Variants in GLG1 observed in about 807,000 individuals in gnomAD.
The protein encoded by GLG1 is Golgi apparatus protein 1.
A neutral mutation model predicts 160.5 loss-of-function variants in GLG1; 38 were observed. The observed-to-expected ratio is 0.24, with a 90% CI of 0.18 to 0.31. GLG1 has a LOEUF of 0.31. GLG1 is among the 10% of genes least tolerant of loss of function. The probability of loss-of-function intolerance (pLI) is 1.00; values close to 1 mark genes in which losing one functional copy is unlikely to be tolerated. For synonymous variants in GLG1, 644 were observed against 543.4 expected, an observed-to-expected ratio of 1.19 and a Z score of -2.57; for missense variants, 1,373 against 1,505.2, an observed-to-expected ratio of 0.91 and a Z score of 1.45.
At chr16:74,528,274 T>C (rs11648786) in intron 2 of GLG1, among the ~76,000 whole-genome samples, 19,779 of 151,990 alleles carry the variant, frequency 0.13, 1,423 homozygotes, top group Middle Eastern at 0.18. Context: ...ATGCTGGGAT[T>C]ACAGGGGTGA....
chr16:74,452,720 TAC>T lies in GLG1; in HGVS notation c.*445_*446del, dbSNP rs2014367974. 5.0e-6 allele frequency: 5 copies of T among 992,334 alleles called. No individual in the cohort carries two copies. Among genetic ancestry groups the T allele is most frequent in the East Asian group, 2.2e-4 (2 of 9,124 alleles). 61.5% of individuals were successfully genotyped at this position (992,334 alleles called of 1,614,324 possible). A position where few individuals can be genotyped will look rare whatever the true frequency, so the allele number is the denominator to read the frequency against. On this transcript the variant is annotated 3_prime_UTR_variant, in exon 26 of 26. Coordinates refer to ENST00000422840, the MANE Select transcript of GLG1 (RefSeq NM_001145667.2). Reference sequence around the variant, plus strand: ...TCCCCTCCAAGTCCTGTCTTTGTTTTACACAGTCATATGAAAGACATAACCCC... The same window carrying T: ...TCCCCTCCAAGTCCTGTCTTTGTTTTACAGTCATATGAAAGACATAACCCC...
chr16:74,472,436 A>G lies in GLG1; in HGVS notation c.2053-25T>C, dbSNP rs202233311. 14 of 1,552,336 alleles carry G rather than the reference A, an allele frequency of 9.0e-6. No homozygotes were observed. The African/African-American group carries it at 1.1e-4, about 12-fold the overall frequency. On this transcript the variant is annotated intron_variant, in intron 13 of 25. Coordinates refer to ENST00000422840, the MANE Select transcript of GLG1 (RefSeq NM_001145667.2). ...CCTGTAGAAAATTAAATATATTAATACTTCTGCTTTAGAAAGAGCCAGGGT... is the reference window on the plus strand; with the variant it reads ...CCTGTAGAAAATTAAATATATTAATGCTTCTGCTTTAGAAAGAGCCAGGGT...
rs1958592622 is a variant in GLG1 at position 74,607,059 on chromosome 16, G to C, written c.36C>G (p.Arg12=). Residue 12 remains arginine, a synonymous_variant, in exon 1 of 26, where the codon CGC becomes CGG. Coordinates refer to ENST00000422840, the MANE Select transcript of GLG1 (RefSeq NM_001145667.2). ...AACGRVRRMF[R]LSAALHLLLL... ...GCAGCAGATGCAGCGCCGCCGACAA[G>C]CGGAACATCCTCCGTACACGTCCAC... 1.9e-6 allele frequency: 3 copies of C among 1,586,408 alleles called. No homozygotes were observed. Among genetic ancestry groups the C allele is most frequent in the Non-Finnish European group, 2.6e-6 (3 of 1,169,394 alleles).
At chr16:74,579,353 C>T (rs555266174) in intron 1 of GLG1, among the ~76,000 whole-genome samples, 42 of 74,686 alleles carry the variant, frequency 5.6e-4, no homozygotes, top group Non-Finnish European at 8.4e-4. Context: ...GAGGTAAAGG[C>T]TGCAGTGAGC....
At chr16:74,462,263 T>C (rs1456811757) in intron 21 of GLG1, 68 bp from the exon 22 acceptor site, 2 of 857,160 alleles carry the variant, frequency 2.3e-6, no homozygotes, top group South Asian at 3.1e-5. Flanking sequence ...AAGCAGGACA[T>C]GAAAAAAAAA....
chr16:74,587,401 G>C (rs1958078279), intron 1 of GLG1, among the ~76,000 whole-genome samples: 1 of 152,200 alleles, frequency 6.6e-6, no homozygotes, highest in Admixed American at 6.6e-5. Context: ...GAAAGAGTGA[G>C]AATAAAGAGT....
chr16:74,455,667 G>A (rs1294865065), intron 25 of GLG1, among the ~76,000 whole-genome samples: 1 of 152,102 alleles, frequency 6.6e-6, no homozygotes, highest in Non-Finnish European at 1.5e-5. Context: ...TGATAAAATT[G>A]GCCAGGAAGG....
intron 1 of GLG1, among the ~76,000 whole-genome samples, chr16:74,539,772 C>T (rs994307076): frequency 2.0e-5 from 3 of 147,904 alleles, no homozygotes; most frequent in African/African-American, 7.4e-5. Flanking sequence ...AGATCCATCT[C>T]TCTAGAGAAG....
chr16:74,452,839 CT>C lies in GLG1; in HGVS notation c.*327del. 1 of 1,053,162 alleles carries C rather than the reference CT, an allele frequency of 9.5e-7. No individual in the cohort carries two copies. Among genetic ancestry groups the C allele is most frequent in the Non-Finnish European group, 1.1e-6 (1 of 874,734 alleles). The allele number at this position is 1,053,162 out of a possible 1,614,324, so 65.2% of individuals were successfully genotyped here. On this transcript the variant is annotated 3_prime_UTR_variant, in exon 26 of 26. Transcript: ENST00000422840. Reference sequence around the variant, plus strand: ...TTTTTGGTGGTTTTCTTAAAAAAGCCTTTGAGTTGCAGGTCAGGTGAGTTGG... The same window carrying C: ...TTTTTGGTGGTTTTCTTAAAAAAGCCTTGAGTTGCAGGTCAGGTGAGTTGG...
At chr16:74,587,379 T>G (rs534243714) in intron 1 of GLG1, among the ~76,000 whole-genome samples, 1 of 152,288 alleles carries the variant, frequency 6.6e-6, no homozygotes, top group East Asian at 1.9e-4. Flanking sequence ...AAGATTTGAA[T>G]AGTGGAACCA....
intron 1 of GLG1, among the ~76,000 whole-genome samples, chr16:74,551,303 T>C (rs1271213131): frequency 6.6e-6 from 1 of 152,008 alleles, no homozygotes; most frequent in Non-Finnish European, 1.5e-5. Flanking sequence ...ATTTTATTTA[T>C]TTATTTTTTG....
At chr16:74,560,566 C>A (rs973513582) in intron 1 of GLG1, among the ~76,000 whole-genome samples, 1 of 152,118 alleles carries the variant, frequency 6.6e-6, no homozygotes, top group African/African-American at 2.4e-5. Context: ...TGGCCTTGAA[C>A]TGACCTCAGG....
intron 8 of GLG1, among the ~76,000 whole-genome samples, chr16:74,490,466 G>A (rs147750598): frequency 5.6e-4 from 86 of 152,312 alleles, no homozygotes; most frequent in African/African-American, 1.9e-3. Flanking sequence ...CCTAGTATAT[G>A]AAGAAAAGAT....
chr16:74,449,626 C>G lies in GLG1; in HGVS notation c.*3541G>C, dbSNP rs1398265436. 1 of 152,198 alleles carries G rather than the reference C, an allele frequency of 6.6e-6. No individual in the cohort carries two copies. Among genetic ancestry groups the G allele is most frequent in the Non-Finnish European group, 1.5e-5 (1 of 68,062 alleles). The allele number at this position is 152,198 out of a possible 1,614,324, so 9.4% of individuals were successfully genotyped here. Reference sequence around the variant, plus strand: ...TGGCCAGCTGAGTGACTCACTGTTCCCAAGAAGAGTAAGGACAGCATGAGA... The same window carrying G: ...TGGCCAGCTGAGTGACTCACTGTTCGCAAGAAGAGTAAGGACAGCATGAGA... On this transcript the variant is annotated 3_prime_UTR_variant, in exon 26 of 26. Coordinates refer to ENST00000422840, the MANE Select transcript of GLG1 (RefSeq NM_001145667.2).
intron 4 of GLG1, among the ~76,000 whole-genome samples, chr16:74,500,094 G>C (rs914661976): frequency 6.6e-6 from 1 of 151,894 alleles, no homozygotes; most frequent in Non-Finnish European, 1.5e-5. Context: ...TTCAAATAAG[G>C]GTATTTCAGG....
intron 5 of GLG1, among the ~76,000 whole-genome samples, chr16:74,495,063 A>C (rs1437207033): frequency 2.1e-5 from 3 of 146,334 alleles, no homozygotes; most frequent in African/African-American, 5.0e-5. Flanking sequence ...TCTCAGATGT[A>C]TTTTGTTAAT....
At chr16:74,535,371 C>T (rs1265153220) in intron 1 of GLG1, among the ~76,000 whole-genome samples, 2 of 152,238 alleles carry the variant, frequency 1.3e-5, no homozygotes, top group Non-Finnish European at 2.9e-5. Flanking sequence ...CCAGTGCTTG[C>T]TTTTCATCTC....
At chr16:74,552,160 C>G (rs1027080297) in intron 1 of GLG1, 3 of 365,310 alleles carry the variant, frequency 8.2e-6, no homozygotes, top group South Asian at 2.7e-5. Flanking sequence ...GGATTAGCAT[C>G]TCTTCCTTCA....
In GLG1 at chr16:74,602,646, G is replaced by T. The variant is rs946712246; in HGVS notation, c.438+4011C>A. Among the ~76,000 whole-genome samples the T allele has an allele frequency of 3.9e-5, 6 of 152,234 alleles. No homozygotes were observed. The East Asian group carries it at 1.2e-3, about 29-fold the overall frequency. ...AAAAATACAAAAATTAGCCGGGTGT[G>T]GTGGCGGATGCCTGTAGTCCCAGCT... On this transcript the variant is annotated intron_variant, in intron 1 of 25. Coordinates refer to ENST00000422840, the MANE Select transcript of GLG1 (RefSeq NM_001145667.2).
Sources: allele counts gnomAD v4.1 joint callset (sites outside exome capture counted in the v4.1 genomes callset), GRCh38; gene constraint gnomAD v4.1.1; transcripts MANE v1.5; gene names NCBI Gene and HGNC (gene_info 2026-07-23, HGNC 2026-07-21).